Variants in RAPGEF1 observed in about 807,000 individuals in gnomAD.
The protein encoded by RAPGEF1 is Rap guanine nucleotide exchange factor 1.
A neutral mutation model predicts 143.3 loss-of-function variants in RAPGEF1; 33 were observed. That is an observed-to-expected ratio of 0.23 (90% CI 0.17 to 0.31). The LOEUF is 0.31. Among genes scored for constraint, RAPGEF1 ranks in the 10% least tolerant of loss-of-function variants. The pLI is 1.00. For missense variants in RAPGEF1, 1,199 were observed against 1,645.4 expected (o/e 0.73, Z 4.69); for synonymous variants, 629 against 676.5 (o/e 0.93, Z 1.09).
At chr9:131,665,541 G>A (rs1830287362) in intron 1 of RAPGEF1, among the ~76,000 whole-genome samples, 1 of 151,974 alleles carries the variant, frequency 6.6e-6, no homozygotes. Flanking sequence ...GTCCTTATAA[G>A]AGCTAAGTCT....
chr9:131,726,087 T>G lies in RAPGEF1; in HGVS notation c.61+13683A>C, dbSNP rs1006773367. ...ATTGGGTTGTTTTTTGTTGGTCCTG[T>G]GCCATCTTTGTCTATTTCTAGCAAA... is the stretch of plus-strand genomic sequence containing the variant. On this transcript the variant is annotated intron_variant, in intron 1 of 26. Coordinates refer to ENST00000683357, the MANE Select transcript of RAPGEF1 (RefSeq NM_001377935.1). Among the ~76,000 whole-genome samples the G allele has an allele frequency of 9.2e-5, 14 of 152,214 alleles. 1 individual carries two copies. In the South Asian group the frequency reaches 1.5e-3, roughly 16 times the overall value.
chr9:131,622,448 C>A lies in RAPGEF1; in HGVS notation c.1703-450G>T, dbSNP rs184124016. ...ACAAAGCCAGAGGCTTCTCTGCAAA[C>A]CCCAACTAGTCAACAAATCAAGGAA... On this transcript the variant is annotated intron_variant, in intron 10 of 26. Coordinates refer to ENST00000683357, the MANE Select transcript of RAPGEF1 (RefSeq NM_001377935.1). Among the ~76,000 whole-genome samples the A allele has an allele frequency of 1.5e-3, 234 of 152,240 alleles. 2 individuals are homozygous for A. The highest frequency in any genetic ancestry group is 5.2e-3 in the African/African-American group (217 of 41,510).
At chr9:131,699,133 G>C (rs1056019077) in intron 1 of RAPGEF1, among the ~76,000 whole-genome samples, 12 of 151,744 alleles carry the variant, frequency 7.9e-5, no homozygotes, top group Admixed American at 7.9e-4. Context: ...ACCACCTTGT[G>C]TCTTCACTCC....
rs767050584 is a variant in RAPGEF1, at chr9:131,650,884, T to C, written c.127A>G (p.Ile43Val). The C allele has an allele frequency of 6.2e-7, 1 of 1,613,968 alleles. No individual in the cohort carries two copies. The highest frequency in any genetic ancestry group is 2.2e-5 in the East Asian group (1 of 44,884). The change falls in exon 2 of 27, where the codon ATC (isoleucine) becomes GTC (valine). Residue 43 changes from isoleucine to valine, a missense_variant. Around this residue, in one of 6 missense-constraint regions of RAPGEF1, gnomAD observed 613 missense variants for 710.9 expected, o/e 0.86. Transcript: ENST00000683357. The surrounding 1 kb of genome is among the most constrained non-coding windows in gnomAD (Gnocchi z 4.7). The part of the protein sequence containing the change: ...KLMDKFHSPK[I>V]KRTPSKKGKP... ...CCCTTCTTTGATGGCGTTCTCTTGA[T>C]TTTGGGTGAGTGGAATTTGTCCATC... is the stretch of plus-strand genomic sequence containing the variant.
intron 1 of RAPGEF1, among the ~76,000 whole-genome samples, chr9:131,668,782 G>C (rs563494394): frequency 3.5e-4 from 53 of 152,364 alleles, no homozygotes; most frequent in African/African-American, 1.2e-3. Flanking sequence ...ATGAAAAAAA[G>C]AGTGATGGTA....
At chr9:131,719,553 C>CTTTTTTTT (rs34413859) in intron 1 of RAPGEF1, among the ~76,000 whole-genome samples, 3 of 72,410 alleles carry the variant, frequency 4.1e-5, no homozygotes, top group East Asian at 4.6e-4. Flanking sequence ...CCCTTCAGGG[C>CTTTTTTTT]TTTTTTTTTT....
rs1951265337 is a variant in RAPGEF1 at position 131,576,775 on chromosome 9, T to C, written c.*2722A>G. ...CATGCAGCTGGGCGCGGACATGGCA[T>C]TGGGCAGCTTTCATCTGTGTTTATT... On this transcript the variant is annotated 3_prime_UTR_variant, in exon 27 of 27. Coordinates refer to ENST00000683357, the MANE Select transcript of RAPGEF1 (RefSeq NM_001377935.1). 1 of 152,194 alleles carries C rather than the reference T, an allele frequency of 6.6e-6. No homozygotes were observed. Among genetic ancestry groups the C allele is most frequent in the Admixed American group, 6.5e-5 (1 of 15,284 alleles). 9.4% of individuals were successfully genotyped at this position (152,194 alleles called of 1,614,324 possible).
Position 131,626,088 on chromosome 9 carries a change from G to A in RAPGEF1, c.1536C>T (p.Ser512=). The A allele has an allele frequency of 6.2e-7, 1 of 1,613,990 alleles. No homozygotes were observed. Among genetic ancestry groups the A allele is most frequent in the Non-Finnish European group, 8.5e-7 (1 of 1,179,876 alleles). ...AGGGGACGGATGGGATCGGGGCTGT[G>A]CTCTGCAGGTCCTCCCCAGAGATGT... The part of the protein sequence containing the change: ...YDNISGEDLQ[S]TAPIPSVPYA... Residue 512 remains serine (S), a synonymous_variant, in exon 10 of 27, where the codon AGC becomes AGT. Transcript: ENST00000683357.
intron 1 of RAPGEF1, among the ~76,000 whole-genome samples, chr9:131,680,593 C>G (rs914335717): frequency 1.3e-5 from 2 of 152,258 alleles, no homozygotes; most frequent in African/African-American, 4.8e-5. Context: ...AGATCTGTGC[C>G]TTAAGGACAT....
chr9:131,615,326 G>A (rs1367368185), intron 12 of RAPGEF1, among the ~76,000 whole-genome samples: 3 of 152,188 alleles, frequency 2.0e-5, no homozygotes, highest in Admixed American at 2.0e-4. Flanking sequence ...CGCCCACCTT[G>A]GCCTCCCAAA....
At chr9:131,711,834 C>T (rs1835530530) in intron 1 of RAPGEF1, among the ~76,000 whole-genome samples, 3 of 152,140 alleles carry the variant, frequency 2.0e-5, no homozygotes, top group African/African-American at 7.2e-5. Flanking sequence ...AAAAAAGACC[C>T]ACAGAACCAG....
chr9:131,611,002 C>T (rs776998366), intron 12 of RAPGEF1, among the ~76,000 whole-genome samples: 7 of 152,224 alleles, frequency 4.6e-5, no homozygotes, highest in Non-Finnish European at 8.8e-5. Flanking sequence ...CAATTAACTA[C>T]TGGTTTACAC....
At chr9:131,661,517 C>T (rs1311032067) in intron 1 of RAPGEF1, among the ~76,000 whole-genome samples, 2 of 152,018 alleles carry the variant, frequency 1.3e-5, no homozygotes, top group Non-Finnish European at 2.9e-5. Flanking sequence ...TTGGTTGTAC[C>T]AGTGTGTTCA....
intron 1 of RAPGEF1, among the ~76,000 whole-genome samples, chr9:131,692,247 C>T (rs570636367): frequency 2.6e-5 from 4 of 152,302 alleles, no homozygotes; most frequent in East Asian, 3.9e-4. Context: ...AAATTCACCT[C>T]GCTTTATCTT....
chr9:131,733,515 T>C (rs1030540516), intron 1 of RAPGEF1, among the ~76,000 whole-genome samples: 1 of 151,982 alleles, frequency 6.6e-6, no homozygotes, highest in Non-Finnish European at 1.5e-5. Flanking sequence ...AGGACACAAC[T>C]AAGATGTTCT....
At chr9:131,718,568 C>T (rs1836031619) in intron 1 of RAPGEF1, among the ~76,000 whole-genome samples, 1 of 152,092 alleles carries the variant, frequency 6.6e-6, no homozygotes, top group African/African-American at 2.4e-5. Flanking sequence ...GAGTAAATCG[C>T]AGGGGTTTAC....
At chr9:131,593,689 G>A (rs958233240) in intron 17 of RAPGEF1, among the ~76,000 whole-genome samples, 2 of 152,196 alleles carry the variant, frequency 1.3e-5, no homozygotes, top group Non-Finnish European at 2.9e-5. Context: ...TGGGGGCTGC[G>A]TGGGGTGGGG....
intron 15 of RAPGEF1, 166 bp from the exon 16 acceptor site, chr9:131,598,476 T>G: frequency 1.4e-6 from 1 of 703,888 alleles, no homozygotes; most frequent in South Asian, 1.5e-5. Context: ...TGCTACTGAC[T>G]GGCTGTGTGG....
At chr9:131,608,614 C>A (rs1416714694) in intron 12 of RAPGEF1, among the ~76,000 whole-genome samples, 4 of 152,198 alleles carry the variant, frequency 2.6e-5, no homozygotes, top group African/African-American at 9.7e-5. Context: ...CTGCCTCTGC[C>A]TCTGCAGCTG....
Sources: gnomAD v4.1 joint callset for allele counts (sites outside exome capture counted in the v4.1 genomes callset) on GRCh38, gnomAD v4.1.1 for gene constraint, gnomAD v4.1.1 regional missense constraint, Gnocchi (gnomAD v3.1) non-coding constraint, MANE v1.5 for transcripts, NCBI Gene and HGNC (gene_info 2026-07-23, HGNC 2026-07-21) for gene names.